The following NTRK1 variants were observed in gnomAD, a reference collection of about 807,000 sequenced individuals.
The protein encoded by NTRK1 is neurotrophic receptor tyrosine kinase 1, also known as high affinity nerve growth factor receptor.
Under a neutral mutation model 86.8 loss-of-function variants are expected in NTRK1, and 62 were observed. The ratio of observed to expected loss-of-function variants is 0.71; its 90% CI spans 0.58 to 0.88. The LOEUF (loss-of-function observed/expected upper bound fraction) is 0.88, where lower values mean the gene tolerates loss of function less well. Ranked by LOEUF, NTRK1 falls within the 40% of genes least tolerant of loss-of-function variation. The pLI, the probability that NTRK1 is intolerant of heterozygous loss-of-function variation, is 0.00. For synonymous variants in NTRK1, 469 were observed against 456.6 expected, an observed-to-expected ratio of 1.03 and a Z score of -0.35; for missense variants, 967 against 1,078.4, an observed-to-expected ratio of 0.90 and a Z score of 1.45.
intron 1 of NTRK1, chr1:156,837,359 G>A (rs574636903): frequency 1.3e-5 from 2 of 152,640 alleles, no homozygotes; most frequent in East Asian, 1.9e-4. Flanking sequence ...TTCCTTATTT[G>A]GCACACATTC....
In NTRK1 at chr1:156,864,751, G is replaced by C; in HGVS notation, c.311G>C (p.Arg104Pro). Residue 104 changes from arginine (R) to proline (P), a missense_variant, in exon 3 of 17, where the codon CGT becomes CCT. Physicochemically the swap from Arg to Pro is moderately radical, Grantham distance 103. Around this residue, in one of 2 missense-constraint regions of NTRK1, gnomAD observed 330 missense variants for 302.0 expected, o/e 1.09. Transcript: ENST00000524377. ...AGCACCATCGTGAAGAGTGGTCTCC[G>C]TTTCGTGGCGCCAGATGCCTTCCAT... ...RNLTIVKSGL[R>P]FVAPDAFHFT... 6.2e-7 allele frequency: 1 copy of C among 1,614,112 alleles called. No homozygotes were observed. Among genetic ancestry groups the C allele is most frequent in the Non-Finnish European group, 8.5e-7 (1 of 1,179,998 alleles).
At chr1:156,823,183 G>C (rs193302164) in intron 1 of NTRK1, among the ~76,000 whole-genome samples, 2 of 152,348 alleles carry the variant, frequency 1.3e-5, no homozygotes, top group East Asian at 3.9e-4. Flanking sequence ...GTAATAGTGA[G>C]AGGAGCCATT....
chr1:156,845,434 C>A lies in NTRK1; in HGVS notation c.50+3241C>A. On this transcript the variant is annotated intron_variant, in intron 2 of 16. Coordinates refer to the NTRK1 transcript ENST00000392302. Reference sequence around the variant, plus strand: ...GGGATCTGGGGAGGCCAGGAGTAGCCCTATCAGGCCTGTCCGGATGCACCC... The same window carrying A: ...GGGATCTGGGGAGGCCAGGAGTAGCACTATCAGGCCTGTCCGGATGCACCC... The A allele has an allele frequency of 5.2e-6, 8 of 1,533,152 alleles. 1 individual carries two copies. The Middle Eastern group carries it at 1.4e-3, about 273-fold the overall frequency. The allele number at this position is 1,533,152 out of a possible 1,614,324, so 95.0% of individuals were successfully genotyped here.
intron 1 of NTRK1, chr1:156,840,789 G>A: frequency 1.9e-6 from 2 of 1,054,062 alleles, no homozygotes; most frequent in South Asian, 1.4e-5. Flanking sequence ...TTGGGGTGGG[G>A]GTGAACATTC....
intron 2 of NTRK1, among the ~76,000 whole-genome samples, chr1:156,850,409 T>TCCATGTTGG (rs1655160588): frequency 6.6e-6 from 1 of 151,154 alleles, no homozygotes; most frequent in Admixed American, 6.6e-5. Flanking sequence ...ATGGGTTTTC[T>TCCATGTTGG]CCATGTTGGC....
At chr1:156,878,674 G>A (rs149523553) in intron 14 of NTRK1, among the ~76,000 whole-genome samples, 1 of 152,206 alleles carries the variant, frequency 6.6e-6, no homozygotes, top group Admixed American at 6.5e-5. Flanking sequence ...CGTAGGAATG[G>A]CTGGACACTG....
rs951395860 is a variant in NTRK1, at chr1:156,853,895, T to C, written c.51-10459T>C. On this transcript the variant is annotated intron_variant, in intron 2 of 16. Transcript: ENST00000392302. ...GCCCAGCTTGTTGCCCACGATGTGGTTGGCGCCAGGTGCTGGCTGCAGCAG... is the reference window on the plus strand; with the variant it reads ...GCCCAGCTTGTTGCCCACGATGTGGCTGGCGCCAGGTGCTGGCTGCAGCAG... 4 of 1,614,148 alleles carry C rather than the reference T, an allele frequency of 2.5e-6. No homozygotes were observed. The African/African-American group carries it at 5.3e-5, about 22-fold the overall frequency.
At chr1:156,838,982 T>A (rs1189561692) in intron 1 of NTRK1, among the ~76,000 whole-genome samples, 1 of 152,222 alleles carries the variant, frequency 6.6e-6, no homozygotes, top group Non-Finnish European at 1.5e-5. Context: ...TTCACCCTCC[T>A]GGAGGCCTCT....
chr1:156,878,801 A>G (rs951020596), intron 14 of NTRK1, among the ~76,000 whole-genome samples: 7 of 152,148 alleles, frequency 4.6e-5, no homozygotes, highest in African/African-American at 1.7e-4. Context: ...ACCGAGCTCC[A>G]ATTGGCAAGG....
rs141174426 is a variant in NTRK1, at chr1:156,844,139, G to T, written c.50+1946G>T. 3.5e-4 allele frequency: 528 copies of T among 1,489,000 alleles called. 4 individuals carry two copies. The East Asian group carries it at 0.011, about 30-fold the overall frequency. 92.2% of individuals were successfully genotyped at this position (1,489,000 alleles called of 1,614,324 possible). On this transcript the variant is annotated intron_variant, in intron 2 of 16. Coordinates refer to the NTRK1 transcript ENST00000392302. ...AGACTTTATGATGAGGGCTCAGGGA[G>T]AAAAGGGGGTGGGGACCGGTGGGAC... is the stretch of plus-strand genomic sequence containing the variant.
chr1:156,834,728 G>GA (rs57017622), intron 1 of NTRK1, among the ~76,000 whole-genome samples: 21 of 149,266 alleles, frequency 1.4e-4, no homozygotes, highest in African/African-American at 5.3e-4. Flanking sequence ...GTTTCAAGAA[G>GA]AAAAAAAAAG....
intron 1 of NTRK1, among the ~76,000 whole-genome samples, chr1:156,863,660 T>G (rs898881688): frequency 2.7e-5 from 4 of 149,468 alleles, no homozygotes; most frequent in Non-Finnish European, 6.0e-5. Context: ...GCAGAGATGT[T>G]TGTGTGTGTG....
intron 1 of NTRK1, among the ~76,000 whole-genome samples, chr1:156,828,470 G>A (rs1654381116): frequency 6.6e-6 from 1 of 152,264 alleles, no homozygotes; most frequent in Non-Finnish European, 1.5e-5. Flanking sequence ...CTTCCAGGGA[G>A]AGGCAGCTCG....
chr1:156,815,966 AG>A, intron 1 of NTRK1: 1 of 1,557,090 alleles, frequency 6.4e-7, no homozygotes, highest in African/African-American at 1.4e-5. Context: ...GGGAGAGATG[AG>A]GGAGCTGCAC....
At chr1:156,837,665 G>A (rs1195885843) in intron 1 of NTRK1, 1 of 152,334 alleles carries the variant, frequency 6.6e-6, no homozygotes, top group Non-Finnish European at 1.5e-5. Context: ...CCTCTGGCTG[G>A]AAGCAGGAAG....
chr1:156,815,868 T>C (rs1304347449), intron 1 of NTRK1: 1 of 1,614,018 alleles, frequency 6.2e-7, no homozygotes, highest in East Asian at 2.2e-5. Context: ...TCTCTCTCTG[T>C]GCCCCAGCCC....
chr1:156,880,476 G>A, intron 16 of NTRK1: 1 of 395,384 alleles, frequency 2.5e-6, no homozygotes, highest in Non-Finnish European at 4.7e-6. Flanking sequence ...CAGAGTGGAA[G>A]GGACCAGCAC....
At position 156,873,754 on chromosome 1, in the gene NTRK1, G is replaced by A. The variant is rs2102905343; in HGVS notation, c.972G>A (p.Glu324=). The A allele has an allele frequency of 6.2e-7, 1 of 1,613,316 alleles. No individual in the cohort carries two copies. The highest frequency in any genetic ancestry group is 1.1e-5 in the South Asian group (1 of 90,862). ...RWLFNGSVLN[E]TSFIFTEFLE... is the part of the protein sequence containing the mutation. ...TCTTCAATGGCTCCGTGCTCAATGAGACCAGCTTCATCTTCACTGAGTTCC... is the reference window on the plus strand; with the variant it reads ...TCTTCAATGGCTCCGTGCTCAATGAAACCAGCTTCATCTTCACTGAGTTCC... Residue 324 remains glutamate, a synonymous_variant, in exon 8 of 17, where the codon GAG becomes GAA. Transcript: ENST00000524377.
intron 2 of NTRK1, chr1:156,845,340 C>G: frequency 6.2e-7 from 1 of 1,607,228 alleles, no homozygotes; most frequent in Non-Finnish European, 8.5e-7. Flanking sequence ...CCCAAAGCCA[C>G]GCCCCTCAGC....
Sources: allele counts gnomAD v4.1 joint callset (sites outside exome capture counted in the v4.1 genomes callset), GRCh38; gene constraint gnomAD v4.1.1; regional missense constraint gnomAD v4.1.1; transcripts MANE v1.5; gene names NCBI Gene and HGNC (gene_info 2026-07-23, HGNC 2026-07-21).